Variants in FER observed in about 807,000 individuals in gnomAD.
FER encodes the protein tyrosine-protein kinase Fer.
Under a neutral mutation model 111.0 loss-of-function variants are expected in FER, and 63 were observed. The observed-to-expected ratio is 0.57, with a 90% CI of 0.46 to 0.70. FER has a LOEUF of 0.70. FER is among the 30% of genes least tolerant of loss of function. FER has a pLI of 0.00. For synonymous variants in FER, 327 were observed against 313.9 expected, an observed-to-expected ratio of 1.04 and a Z score of -0.44; for missense variants, 914 against 954.0, an observed-to-expected ratio of 0.96 and a Z score of 0.55.
chr5:108,891,173 C>G (rs1347084399), intron 9 of FER, among the ~76,000 whole-genome samples: 4 of 152,056 alleles, frequency 2.6e-5, no homozygotes, highest in Non-Finnish European at 5.9e-5. Context: ...TTTGTATATC[C>G]TGTTTTCGTG....
intron 5 of FER, among the ~76,000 whole-genome samples, chr5:108,844,988 GTGTGTGTGTA>G (rs1401880714): frequency 6.3e-3 from 201 of 31,660 alleles, no homozygotes; most frequent in African/African-American, 0.022. Flanking sequence ...TTGCTGGTGT[GTGTGTGTGTA>G]TATATATATA....
At chr5:108,940,905 A>T (rs1409041894) in intron 10 of FER, among the ~76,000 whole-genome samples, 1 of 152,100 alleles carries the variant, frequency 6.6e-6, no homozygotes, top group Non-Finnish European at 1.5e-5. Flanking sequence ...CCCCTTCCCA[A>T]ACTGATTCTC....
chr5:109,166,627 T>C (rs1222652676), intron 17 of FER, among the ~76,000 whole-genome samples: 1 of 152,212 alleles, frequency 6.6e-6, no homozygotes, highest in Non-Finnish European at 1.5e-5. Flanking sequence ...TTATTTCTTA[T>C]TGTTCTGTCA....
At chr5:108,848,013 G>A (rs978272311) in intron 5 of FER, among the ~76,000 whole-genome samples, 5 of 152,040 alleles carry the variant, frequency 3.3e-5, no homozygotes, top group African/African-American at 1.2e-4. Context: ...TCAGCCAACT[G>A]TGTAGCTGGG....
intron 17 of FER, among the ~76,000 whole-genome samples, chr5:109,103,143 C>G (rs1748459781): frequency 1.3e-5 from 2 of 151,974 alleles, no homozygotes; most frequent in Admixed American, 1.3e-4. Flanking sequence ...GGTTCTAAGT[C>G]TCATTTTTAT....
intron 12 of FER, among the ~76,000 whole-genome samples, chr5:108,956,450 A>G (rs766784505): frequency 1.5e-4 from 22 of 151,690 alleles, no homozygotes; most frequent in Non-Finnish European, 2.8e-4. Flanking sequence ...AATTGTAACT[A>G]TAAGTATTTA....
At chr5:108,937,704 A>C (rs1399179830) in intron 10 of FER, among the ~76,000 whole-genome samples, 1 of 151,878 alleles carries the variant, frequency 6.6e-6, no homozygotes, top group East Asian at 1.9e-4. Flanking sequence ...ATAGAGTGGA[A>C]TTGTGTTGAG....
In FER at chr5:108,969,619, A is replaced by G. The variant is rs1267470473; in HGVS notation, c.1656+10272A>G. The stretch of plus-strand genomic sequence containing the variant: ...ATATTTTACATTTTAATTTTTTTGA[A>G]CACTGTGAATGTATTACCTATTCAA... On this transcript the variant is annotated intron_variant, in intron 13 of 19. Transcript: ENST00000281092. Among the ~76,000 whole-genome samples the G allele has an allele frequency of 2.2e-5, 3 of 133,948 alleles. 1 individual carries two copies. The highest frequency in any genetic ancestry group is 1.2e-4 in the African/African-American group (3 of 24,384). 87.9% of individuals were successfully genotyped at this position (133,948 alleles called of 152,430 possible). A position where few individuals can be genotyped will look rare whatever the true frequency, so the allele number is the denominator to read the frequency against.
intron 15 of FER, among the ~76,000 whole-genome samples, chr5:109,046,254 C>T (rs1771958013): frequency 6.6e-6 from 1 of 152,078 alleles, no homozygotes. Flanking sequence ...TTAACTATTA[C>T]AAAATCCAAT....
At chr5:109,052,648 G>T (rs10057719) in intron 16 of FER, among the ~76,000 whole-genome samples, 1 of 152,078 alleles carries the variant, frequency 6.6e-6, no homozygotes, top group Non-Finnish European at 1.5e-5. Flanking sequence ...CTGATACCTC[G>T]TAAAAGCTGC....
chr5:108,822,016 C>T (rs1267107763), intron 3 of FER, among the ~76,000 whole-genome samples: 2 of 152,100 alleles, frequency 1.3e-5, no homozygotes, highest in Admixed American at 1.3e-4. Flanking sequence ...TTTCTTCACC[C>T]CTATCCCCTG....
Position 108,871,394 on chromosome 5 carries a change from T to C in FER, c.695T>C (p.Ile232Thr). ...GGTATATTTGATGAATACAGCCAGA[T>C]AACCAGTCTTGTCACAGAGGAAATA... ...LKGIFDEYSQ[I>T]TSLVTEEIVN... The change falls in exon 7 of 20, where the codon ATA becomes ACA. Residue 232 changes from isoleucine (I) to threonine (T), a missense_variant. Transcript: ENST00000281092. The C allele has an allele frequency of 6.2e-7, 1 of 1,611,552 alleles. No homozygotes were observed. The highest frequency in any genetic ancestry group is 2.2e-5 in the East Asian group (1 of 44,670).
At chr5:109,127,650 C>T (rs568837555) in intron 17 of FER, among the ~76,000 whole-genome samples, 66 of 152,190 alleles carry the variant, frequency 4.3e-4, no homozygotes, top group Non-Finnish European at 6.0e-4. Context: ...CATGATCCAC[C>T]GGCCATGGCC....
Position 109,059,066 on chromosome 5 carries a change from C to A in FER, c.1924+11868C>A, listed in dbSNP as rs1774036581. 3.3e-5 allele frequency among the ~76,000 whole-genome samples: 5 copies of A among 151,912 alleles called. No individual in the cohort carries two copies. The South Asian group carries it at 1.0e-3, about 32-fold the overall frequency. On this transcript the variant is annotated intron_variant, in intron 16 of 19. Transcript: ENST00000281092. ...ATTTTATGCTATTTTCAAGTTAAAC[C>A]TTGGTAACAACCTCTTCCCACCTTC...
chr5:109,029,551 C>A (rs1561797477), intron 13 of FER, among the ~76,000 whole-genome samples: 4 of 150,664 alleles, frequency 2.7e-5, no homozygotes, highest in African/African-American at 9.8e-5. Context: ...GGGTGAGCCA[C>A]TGTGCCCAGC....
chr5:108,927,892 CAG>C, intron 10 of FER, among the ~76,000 whole-genome samples: 1 of 152,292 alleles, frequency 6.6e-6, no homozygotes, highest in East Asian at 1.9e-4. Context: ...CTAAGAAAGA[CAG>C]AAGAAGGCTC....
intron 2 of FER, among the ~76,000 whole-genome samples, chr5:108,786,229 C>T (rs989545988): frequency 1.1e-4 from 16 of 152,198 alleles, no homozygotes; most frequent in African/African-American, 3.9e-4. Flanking sequence ...GTGCTGTCCT[C>T]CCTATGTTTT....
chr5:108,891,391 G>T (rs752285619), intron 9 of FER: 1 of 151,906 alleles, frequency 6.6e-6, no homozygotes, highest in African/African-American at 2.4e-5. Context: ...AAGAGACAGG[G>T]TCTTTCATAG....
At chr5:108,894,621 T>C in intron 9 of FER, 1 of 349,512 alleles carries the variant, frequency 2.9e-6, no homozygotes, top group Non-Finnish European at 5.6e-6. Context: ...GAAAAAATAA[T>C]AGAAGAGCGT....
Sources: allele counts gnomAD v4.1 joint callset (sites outside exome capture counted in the v4.1 genomes callset), GRCh38; gene constraint gnomAD v4.1.1; transcripts MANE v1.5; gene names NCBI Gene and HGNC (gene_info 2026-07-23, HGNC 2026-07-21).